TEKT5: variants seen among roughly 807,000 people sequenced by gnomAD.
TEKT5 encodes tektin-5.
In TEKT5, 52 loss-of-function variants were observed where a neutral mutation model predicts 48.7. The observed-to-expected ratio is 1.07, with a 90% CI of 0.86 to 1.35. The LOEUF is 1.35. Ranked by LOEUF, TEKT5 falls within the 40% of genes most tolerant of loss-of-function variation. The pLI, the probability that TEKT5 is intolerant of heterozygous loss-of-function variation, is 0.00. For missense variants in TEKT5, 831 were observed against 641.6 expected, an observed-to-expected ratio of 1.30 and a Z score of -3.19; for synonymous variants, 318 against 267.6, an observed-to-expected ratio of 1.19 and a Z score of -1.84.
intron 5 of TEKT5, among the ~76,000 whole-genome samples, chr16:10,655,096 G>C (rs1397205531): frequency 6.6e-6 from 1 of 151,868 alleles, no homozygotes; most frequent in East Asian, 1.9e-4. Flanking sequence ...GAGACTTATT[G>C]CTGGAGAAAA....
intron 3 of TEKT5, among the ~76,000 whole-genome samples, chr16:10,686,440 G>C (rs972164000): frequency 2.7e-5 from 4 of 149,468 alleles, no homozygotes; most frequent in Non-Finnish European, 5.9e-5. Context: ...CTGGGTGACA[G>C]AGGGAGACTC....
At chr16:10,631,002 G>A (rs1369223512) in intron 6 of TEKT5, among the ~76,000 whole-genome samples, 1 of 151,990 alleles carries the variant, frequency 6.6e-6, no homozygotes, top group Non-Finnish European at 1.5e-5. Flanking sequence ...GAGGTAGAGA[G>A]TTTGAGACCA....
At chr16:10,647,629 T>C (rs1157304211) in intron 5 of TEKT5, among the ~76,000 whole-genome samples, 1 of 149,282 alleles carries the variant, frequency 6.7e-6, no homozygotes, top group Non-Finnish European at 1.5e-5. Context: ...TGAGCCCACC[T>C]TGTCTCTTTC....
intron 5 of TEKT5, among the ~76,000 whole-genome samples, chr16:10,642,841 G>C (rs780131526): frequency 7.9e-5 from 12 of 152,176 alleles, no homozygotes; most frequent in Non-Finnish European, 1.6e-4. Flanking sequence ...AAGGGGAAGG[G>C]AAAGGGTGGG....
chr16:10,653,301 C>G (rs1053004420), intron 5 of TEKT5, among the ~76,000 whole-genome samples: 2 of 152,200 alleles, frequency 1.3e-5, no homozygotes, highest in African/African-American at 4.8e-5. Context: ...GTAGACGGCT[C>G]ACCTCACTCC....
At chr16:10,692,078 T>G (rs1898990211) in intron 1 of TEKT5, among the ~76,000 whole-genome samples, 1 of 152,064 alleles carries the variant, frequency 6.6e-6, no homozygotes, top group South Asian at 2.1e-4. Flanking sequence ...AGGGAGAGGC[T>G]GCCTGGATTG....
intron 6 of TEKT5, among the ~76,000 whole-genome samples, chr16:10,634,819 C>T (rs1248310924): frequency 6.6e-6 from 1 of 152,136 alleles, no homozygotes; most frequent in Admixed American, 6.6e-5. Context: ...TACCAACAAG[C>T]ATGGGAGTGA....
chr16:10,631,548 G>A (rs1179538040), intron 6 of TEKT5, among the ~76,000 whole-genome samples: 1 of 152,058 alleles, frequency 6.6e-6, no homozygotes, highest in Non-Finnish European at 1.5e-5. Context: ...CTAAGCCCTG[G>A]TGCGTGTAAT....
chr16:10,694,762 G>C lies in TEKT5; in HGVS notation c.112C>G (p.Pro38Ala). The C allele has an allele frequency of 6.2e-7, 1 of 1,614,104 alleles. No homozygotes were observed. The highest frequency in any genetic ancestry group is 1.3e-5 in the African/African-American group (1 of 75,038). Residue 38 changes from proline (P) to alanine (A), a missense_variant, in exon 1 of 7, where the codon CCC (proline) becomes GCC (alanine). Transcript: ENST00000283025. ...QAPVIQECYQPYYLPGYRYLN... is the reference protein window; with the variant it reads ...QAPVIQECYQAYYLPGYRYLN... ...TAGCGGTACCCGGGCAGGTAGTAGG[G>C]CTGATAGCATTCCTGGATCACTGGC...
intron 5 of TEKT5, among the ~76,000 whole-genome samples, chr16:10,665,263 C>CCGCAA (rs761763601): frequency 6.6e-6 from 1 of 152,174 alleles, no homozygotes; most frequent in Non-Finnish European, 1.5e-5. Context: ...GGAGATGACA[C>CCGCAA]CGCAACCCTC....
chr16:10,672,439 A>G (rs1307360713), intron 5 of TEKT5, among the ~76,000 whole-genome samples: 1 of 152,112 alleles, frequency 6.6e-6, no homozygotes, highest in East Asian at 1.9e-4. Context: ...AAAAAATACA[A>G]AAATTAGCTG....
chr16:10,683,505 G>C (rs1465791339), intron 3 of TEKT5, among the ~76,000 whole-genome samples: 1 of 152,220 alleles, frequency 6.6e-6, no homozygotes, highest in Non-Finnish European at 1.5e-5. Flanking sequence ...CCAAATTCCA[G>C]ACATTTGAGA....
chr16:10,676,497 C>T (rs570698600), intron 4 of TEKT5, among the ~76,000 whole-genome samples: 11 of 152,218 alleles, frequency 7.2e-5, no homozygotes, highest in African/African-American at 2.6e-4. Flanking sequence ...AGCAAGAGAA[C>T]CCTAAAGAGA....
intron 5 of TEKT5, among the ~76,000 whole-genome samples, chr16:10,636,422 C>T (rs557727383): frequency 2.0e-5 from 3 of 151,552 alleles, no homozygotes; most frequent in African/African-American, 7.3e-5. Context: ...CTTCAGGTAT[C>T]CTCTTGTCAC....
At chr16:10,631,056 CTA>C (rs137951920) in intron 6 of TEKT5, among the ~76,000 whole-genome samples, 13,901 of 134,580 alleles carry the variant, frequency 0.1, 2,173 homozygotes, top group African/African-American at 0.34. Context: ...AAAAATATAT[CTA>C]TATCTATGTC....
chr16:10,673,641 A>G (rs1898587735), intron 5 of TEKT5, among the ~76,000 whole-genome samples: 1 of 123,258 alleles, frequency 8.1e-6, no homozygotes, highest in South Asian at 2.8e-4. Flanking sequence ...CACTGCACCC[A>G]TTCTATTTTT....
At chr16:10,627,949 T>A in intron 6 of TEKT5, 150 bp from the exon 7 acceptor site, 1 of 618,366 alleles carries the variant, frequency 1.6e-6, no homozygotes, top group East Asian at 3.1e-5. Context: ...TTCAAGTAAT[T>A]CTGCCTCAGC....
intron 5 of TEKT5, among the ~76,000 whole-genome samples, chr16:10,638,418 G>C (rs1261060209): frequency 6.6e-6 from 1 of 152,226 alleles, no homozygotes; most frequent in East Asian, 1.9e-4. Context: ...AGGACAGGCT[G>C]TCTTGACACC....
chr16:10,627,572 C>T lies in TEKT5; in HGVS notation c.*11G>A, dbSNP rs753303463. 2 of 1,613,824 alleles carry T rather than the reference C, an allele frequency of 1.2e-6. No homozygotes were observed. The highest frequency in any genetic ancestry group is 3.3e-5 in the Admixed American group (2 of 60,030). On this transcript the variant is annotated 3_prime_UTR_variant, in exon 7 of 7. Transcript: ENST00000283025. Reference sequence around the variant, plus strand: ...TTTACGCCAGCGCGGAATGAGGCGCCAGGGCGGTGCTCAGGTGTGGCCCAC... The same window carrying T: ...TTTACGCCAGCGCGGAATGAGGCGCTAGGGCGGTGCTCAGGTGTGGCCCAC...
Sources: gnomAD v4.1 joint callset for allele counts (sites outside exome capture counted in the v4.1 genomes callset) on GRCh38, gnomAD v4.1.1 for gene constraint, MANE v1.5 for transcripts, NCBI Gene and HGNC (gene_info 2026-07-23, HGNC 2026-07-21) for gene names.